The following BACH1 variants were observed in gnomAD, a reference collection of about 807,000 sequenced individuals.
BACH1 encodes transcription regulator protein BACH1.
BACH1 carries 35 observed loss-of-function variants against 52.9 expected under a neutral mutation model. That is an observed-to-expected ratio of 0.66 (90% CI 0.51 to 0.88). The LOEUF is 0.88. Among genes scored for constraint, BACH1 ranks in the 40% least tolerant of loss-of-function variants. The pLI, the probability that BACH1 is intolerant of heterozygous loss-of-function variation, is 0.00. For missense variants in BACH1, 808 were observed against 872.6 expected (o/e 0.93, Z 0.93); for synonymous variants, 321 against 319.6 (o/e 1.00, Z -0.05).
chr21:29,358,822 A>G (rs1205061102), intron 2 of BACH1, among the ~76,000 whole-genome samples: 5 of 144,762 alleles, frequency 3.5e-5, no homozygotes, highest in Admixed American at 3.4e-4. Context: ...AAGAAGAAAG[A>G]AAGAAATGTA....
chr21:29,333,569 T>C (rs2089009311), intron 4 of BACH1, among the ~76,000 whole-genome samples: 1 of 152,192 alleles, frequency 6.6e-6, no homozygotes, highest in Admixed American at 6.5e-5. Flanking sequence ...TATTTATTGC[T>C]CAGGTCTAAA....
At position 29,342,728 on chromosome 21, in the gene BACH1, C is replaced by T; in HGVS notation, c.2106C>T (p.Ser702=). Residue 702 remains serine (S), a synonymous_variant, in exon 5 of 5, where the codon TCC becomes TCT. Transcript: ENST00000286800. ...GAGGGCAGGAGTCCCAGCAGATGTC[C>T]ACAGCCACCTCTGAGCAAGCTGGGC... ...YARGQESQQM[S]TATSEQAGPA... is the part of the protein sequence containing the mutation. 1 of 1,614,184 alleles carries T rather than the reference C, an allele frequency of 6.2e-7. No individual in the cohort carries two copies. Among genetic ancestry groups the T allele is most frequent in the Non-Finnish European group, 8.5e-7 (1 of 1,180,046 alleles).
chr21:29,324,526 CTGAG>C (rs2088886852), intron 2 of BACH1, among the ~76,000 whole-genome samples: 1 of 149,804 alleles, frequency 6.7e-6, no homozygotes, highest in Non-Finnish European at 1.5e-5. Context: ...CTTTTTATTG[CTGAG>C]TAATATTCTG....
intron 4 of BACH1, among the ~76,000 whole-genome samples, chr21:29,337,071 C>T (rs988672550): frequency 6.6e-6 from 1 of 152,128 alleles, no homozygotes; most frequent in South Asian, 2.1e-4. Flanking sequence ...AAGTAATAGT[C>T]ATTATTCTTT....
At chr21:29,309,270 A>G (rs1476118438) in intron 1 of BACH1, among the ~76,000 whole-genome samples, 1 of 151,936 alleles carries the variant, frequency 6.6e-6, no homozygotes, top group Non-Finnish European at 1.5e-5. Context: ...AAAAAAAAAA[A>G]AAAGAAAGAT....
intron 1 of BACH1, chr21:29,300,806 A>G (rs557123476): frequency 3.9e-5 from 6 of 152,234 alleles, no homozygotes; most frequent in Non-Finnish European, 7.3e-5. Flanking sequence ...TCATGCATAC[A>G]CAAGAAGTTT....
chr21:29,354,934 A>T (rs1460766963), intron 2 of BACH1, among the ~76,000 whole-genome samples: 1 of 152,202 alleles, frequency 6.6e-6, no homozygotes, highest in African/African-American at 2.4e-5. Flanking sequence ...ATGACTGGGA[A>T]AGAAGAACTC....
chr21:29,302,089 A>T (rs1045643931), intron 1 of BACH1, among the ~76,000 whole-genome samples: 1 of 151,986 alleles, frequency 6.6e-6, no homozygotes, highest in Non-Finnish European at 1.5e-5. Flanking sequence ...AGGAATCACC[A>T]CCTCTCTTCT....
chr21:29,354,881 T>G (rs1022452578), intron 2 of BACH1, among the ~76,000 whole-genome samples: 1 of 152,022 alleles, frequency 6.6e-6, no homozygotes, highest in African/African-American at 2.4e-5. Flanking sequence ...GTGTGTGTGG[T>G]GAACAGAGGA....
At chr21:29,351,524 A>C in intron 2 of BACH1, 1 of 457,182 alleles carries the variant, frequency 2.2e-6, no homozygotes, top group South Asian at 1.6e-5. Context: ...CTGAAGAAGG[A>C]ACTCGTTTTT....
intron 2 of BACH1, chr21:29,361,062 T>C (rs2089268933): frequency 6.6e-6 from 1 of 152,196 alleles, no homozygotes; most frequent in African/African-American, 2.4e-5. Flanking sequence ...GGAGATGCGT[T>C]TGGTCTGTGC....
rs779602590 is a variant in BACH1, at chr21:29,342,757, CG to C, written c.2137del (p.Glu713AsnfsTer16). ...STATSEQAGP[A>X]EQCRQSGGIS... ...GCCACCTCTGAGCAAGCTGGGCCTG[CG>C]GAACAGTGTCGTCAGAGTGGTGGGA... On this transcript the variant is annotated frameshift_variant, in exon 5 of 5. Transcript: ENST00000286800. LOFTEE classifies it high-confidence loss of function. 2.3e-5 allele frequency: 37 copies of C among 1,614,058 alleles called. 1 individual carries two copies. The Admixed American group carries it at 4.3e-4, about 19-fold the overall frequency.
Position 29,320,403 on chromosome 21 carries a change from C to T in BACH1, c.-60-818C>T, listed in dbSNP as rs543220639. ...TCTGAAAAATATAGATAAGCATACACGTATTGGGGGTATTCTTGTTTTTGG... is the reference window on the plus strand; with the variant it reads ...TCTGAAAAATATAGATAAGCATACATGTATTGGGGGTATTCTTGTTTTTGG... On this transcript the variant is annotated intron_variant, in intron 1 of 4. Coordinates refer to ENST00000286800, the MANE Select transcript of BACH1 (RefSeq NM_001186.4). Among the ~76,000 whole-genome samples, 34 of 152,132 alleles carry T rather than the reference C, an allele frequency of 2.2e-4. No homozygotes were observed. In the South Asian group the frequency reaches 5.8e-3, roughly 26 times the overall value.
intron 2 of BACH1, among the ~76,000 whole-genome samples, chr21:29,357,053 T>A (rs1291709024): frequency 6.6e-6 from 1 of 152,182 alleles, no homozygotes; most frequent in Non-Finnish European, 1.5e-5. Context: ...TAATGGGCGT[T>A]CCCCCAGAGG....
intron 4 of BACH1, among the ~76,000 whole-genome samples, chr21:29,335,349 A>G (rs760188076): frequency 3.9e-5 from 6 of 152,184 alleles, no homozygotes; most frequent in Non-Finnish European, 7.3e-5. Flanking sequence ...TCAGGGCTCA[A>G]TATGTATTAG....
At chr21:29,312,551 T>C (rs1460391787) in intron 1 of BACH1, among the ~76,000 whole-genome samples, 2 of 152,164 alleles carry the variant, frequency 1.3e-5, no homozygotes, top group East Asian at 3.9e-4. Flanking sequence ...TCCGAACTAG[T>C]AAGCAAATTA....
chr21:29,319,867 T>A (rs1302685782), intron 1 of BACH1, among the ~76,000 whole-genome samples: 1 of 151,816 alleles, frequency 6.6e-6, no homozygotes. Context: ...AAAAGATATA[T>A]AACTTCTTTG....
intron 2 of BACH1, among the ~76,000 whole-genome samples, chr21:29,352,414 C>A (rs185879866): frequency 2.0e-5 from 3 of 152,294 alleles, no homozygotes; most frequent in African/African-American, 7.2e-5. Context: ...AGGAAAATTA[C>A]TTAATGTCTC....
intron 4 of BACH1, among the ~76,000 whole-genome samples, chr21:29,337,049 A>G (rs1369003518): frequency 6.6e-6 from 1 of 152,160 alleles, no homozygotes; most frequent in South Asian, 2.1e-4. Context: ...TTCTGATTCA[A>G]TTTGTTAGGA....
Sources: gnomAD v4.1 joint callset for allele counts (sites outside exome capture counted in the v4.1 genomes callset) on GRCh38, gnomAD v4.1.1 for gene constraint, MANE v1.5 for transcripts, NCBI Gene and HGNC (gene_info 2026-07-23, HGNC 2026-07-21) for gene names.